MEIKIN: variants seen among roughly 807,000 people sequenced by gnomAD.
MEIKIN encodes the protein meiotic kinetochore factor.
intron 9 of MEIKIN, among the ~76,000 whole-genome samples, chr5:131,870,901 A>C (rs4705903): frequency 0.74 from 112,442 of 152,016 alleles, 41,891 homozygotes; most frequent in Middle Eastern, 0.81. Context: ...GTGACAATCT[A>C]GTGTAGTAGA....
At chr5:131,842,613 T>C (rs142369213) in intron 11 of MEIKIN, among the ~76,000 whole-genome samples, 86 of 152,278 alleles carry the variant, frequency 5.6e-4, no homozygotes, top group African/African-American at 2.0e-3. Flanking sequence ...TTTTTTGCAA[T>C]AGTGTGTGTT....
intron 5 of MEIKIN, among the ~76,000 whole-genome samples, chr5:131,927,641 A>G (rs1189749322): frequency 4.6e-5 from 7 of 152,108 alleles, no homozygotes; most frequent in South Asian, 2.1e-4. Flanking sequence ...TTAGATGCTG[A>G]TGTTGGGTGC....
chr5:131,862,346 G>A (rs1380961825), intron 9 of MEIKIN, among the ~76,000 whole-genome samples: 2 of 151,782 alleles, frequency 1.3e-5, no homozygotes, highest in Non-Finnish European at 1.5e-5. Flanking sequence ...TCTTTCCTTG[G>A]TTAATCTAGC....
chr5:131,934,555 T>C (rs1019918291), intron 4 of MEIKIN, among the ~76,000 whole-genome samples: 1 of 152,108 alleles, frequency 6.6e-6, no homozygotes, highest in Middle Eastern at 3.2e-3. Context: ...ATACCTTCCA[T>C]CATGTAAAGA....
chr5:131,870,107 T>G (rs1750459835), intron 9 of MEIKIN, among the ~76,000 whole-genome samples: 1 of 147,550 alleles, frequency 6.8e-6, no homozygotes, highest in African/African-American at 2.5e-5. Context: ...CTTGAGATGA[T>G]GGATATCCCA....
At chr5:131,850,593 C>T (rs978880676) in intron 11 of MEIKIN, among the ~76,000 whole-genome samples, 3 of 152,042 alleles carry the variant, frequency 2.0e-5, no homozygotes. Flanking sequence ...ATCTCTTCAA[C>T]AAATGATGCT....
intron 8 of MEIKIN, among the ~76,000 whole-genome samples, chr5:131,886,812 A>AT (rs1487551021): frequency 5.9e-5 from 9 of 151,958 alleles, no homozygotes; most frequent in Non-Finnish European, 1.2e-4. Flanking sequence ...TTTATTTTTT[A>AT]TTTTTTTATT....
At chr5:131,873,476 T>C (rs1322572936) in intron 9 of MEIKIN, among the ~76,000 whole-genome samples, 14 of 152,186 alleles carry the variant, frequency 9.2e-5, no homozygotes, top group South Asian at 4.1e-4. Flanking sequence ...GCACCCAATA[T>C]AGGAGCACCC....
chr5:131,936,676 C>A (rs1751783533), intron 4 of MEIKIN, among the ~76,000 whole-genome samples: 1 of 152,112 alleles, frequency 6.6e-6, no homozygotes, highest in African/African-American at 2.4e-5. Flanking sequence ...GTCACTGCAA[C>A]CTCCGCCTCC....
intron 9 of MEIKIN, among the ~76,000 whole-genome samples, chr5:131,856,006 C>T (rs1189023696): frequency 1.3e-5 from 2 of 152,106 alleles, no homozygotes; most frequent in Non-Finnish European, 2.9e-5. Flanking sequence ...GATGTCAAGT[C>T]TGGAATCTTA....
intron 5 of MEIKIN, among the ~76,000 whole-genome samples, chr5:131,931,329 CT>C (rs1014461865): frequency 9.4e-4 from 143 of 151,766 alleles, no homozygotes; most frequent in African/African-American, 3.0e-3. Flanking sequence ...AAGCTGGAAT[CT>C]TTTTTTTTCC....
chr5:131,830,215 C>T (rs1749691779), intron 11 of MEIKIN, among the ~76,000 whole-genome samples: 1 of 151,892 alleles, frequency 6.6e-6, no homozygotes, highest in African/African-American at 2.4e-5. Context: ...TGTGGTGAAA[C>T]CCCATCTCTA....
chr5:131,916,143 TC>T, intron 7 of MEIKIN, among the ~76,000 whole-genome samples: 1 of 152,168 alleles, frequency 6.6e-6, no homozygotes, highest in East Asian at 1.9e-4. Flanking sequence ...CAAATACCAT[TC>T]TATCCTCCTT....
rs1044124743 is a variant in MEIKIN, at chr5:131,887,849, C to A, written c.704-8801G>T. Among the ~76,000 whole-genome samples the A allele has an allele frequency of 5.5e-5, 7 of 126,756 alleles. No homozygotes were observed. The Admixed American group carries it at 5.8e-4, about 10-fold the overall frequency. 83.2% of individuals were successfully genotyped at this position (126,756 alleles called of 152,430 possible). On this transcript the variant is annotated intron_variant, in intron 8 of 12. Coordinates refer to ENST00000442687, the MANE Select transcript of MEIKIN (RefSeq NM_001303622.2). ...CATTAGGTATATCTCCTAATGCTATCCCTCACCCCCTCCCCCCACCCCACA... is the reference window on the plus strand; with the variant it reads ...CATTAGGTATATCTCCTAATGCTATACCTCACCCCCTCCCCCCACCCCACA...
chr5:131,846,945 T>TA (rs1750032508), intron 11 of MEIKIN, among the ~76,000 whole-genome samples: 1 of 152,214 alleles, frequency 6.6e-6, no homozygotes, highest in Non-Finnish European at 1.5e-5. Context: ...AAATTCTAAT[T>TA]AGAGTATCAT....
At chr5:131,910,732 T>C (rs914068559) in intron 8 of MEIKIN, among the ~76,000 whole-genome samples, 26 of 151,958 alleles carry the variant, frequency 1.7e-4, no homozygotes, top group Admixed American at 1.6e-3. Context: ...CCACAAATAT[T>C]AATAATAAAA....
intron 8 of MEIKIN, among the ~76,000 whole-genome samples, chr5:131,887,099 G>C (rs934281953): frequency 2.0e-5 from 3 of 151,762 alleles, no homozygotes; most frequent in South Asian, 2.1e-4. Context: ...TTCTGTCCTT[G>C]TGATGGTTTG....
At chr5:131,888,698 G>A (rs1189951563) in intron 8 of MEIKIN, among the ~76,000 whole-genome samples, 2 of 152,160 alleles carry the variant, frequency 1.3e-5, no homozygotes, top group Non-Finnish European at 2.9e-5. Flanking sequence ...TTGCTGTGCA[G>A]AAGCTCTTTA....
At chr5:131,874,549 C>T (rs548682668) in intron 9 of MEIKIN, among the ~76,000 whole-genome samples, 24 of 152,300 alleles carry the variant, frequency 1.6e-4, no homozygotes, top group African/African-American at 4.1e-4. Context: ...GATTCACAGC[C>T]GAATTCTACC....
Sources: gnomAD v4.1 joint callset for allele counts (sites outside exome capture counted in the v4.1 genomes callset) on GRCh38, gnomAD v4.1.1 for gene constraint, MANE v1.5 for transcripts, NCBI Gene and HGNC (gene_info 2026-07-23, HGNC 2026-07-21) for gene names.